The following ARL6IP6 variants were observed in gnomAD, a reference collection of about 807,000 sequenced individuals.
ARL6IP6 encodes ADP-ribosylation factor-like protein 6-interacting protein 6.
Under a neutral mutation model 21.5 loss-of-function variants are expected in ARL6IP6, and 22 were observed. The ratio of observed to expected loss-of-function variants is 1.02; its 90% CI spans 0.73 to 1.46. The LOEUF (loss-of-function observed/expected upper bound fraction) is 1.46. Among genes scored for constraint, ARL6IP6 ranks in the 40% most tolerant of loss-of-function variants. The probability of loss-of-function intolerance (pLI) is 0.00; values close to 1 mark genes in which losing one functional copy is unlikely to be tolerated. For missense variants in ARL6IP6, 388 were observed against 299.8 expected (o/e 1.29, Z -2.17); for synonymous variants, 164 against 125.3 (o/e 1.31, Z -2.06).
intron 2 of ARL6IP6, among the ~76,000 whole-genome samples, chr2:152,723,215 C>G (rs887157271): frequency 2.6e-5 from 4 of 152,146 alleles, no homozygotes; most frequent in African/African-American, 9.7e-5. Flanking sequence ...ATTAATAAGA[C>G]AGTTTTCACA....
chr2:152,720,395 A>G (rs1041824125), intron 1 of ARL6IP6, 138 bp from the exon 2 acceptor site: 2 of 781,048 alleles, frequency 2.6e-6, no homozygotes, highest in Admixed American at 2.3e-5. Flanking sequence ...CATAGCTGGT[A>G]AATTGAATCA....
chr2:152,730,681 A>C (rs1194712154), intron 2 of ARL6IP6, among the ~76,000 whole-genome samples: 1 of 152,160 alleles, frequency 6.6e-6, no homozygotes, highest in African/African-American at 2.4e-5. Context: ...AATCCTCAAG[A>C]CATTTGCTAT....
rs1023493162 is a variant in ARL6IP6, at chr2:152,760,719, A to G, written c.*879A>G. On this transcript the variant is annotated 3_prime_UTR_variant, in exon 4 of 4. Transcript: ENST00000326446. Reference sequence around the variant, plus strand: ...ATCTTGGTGTATATATTGTTACTTTAACAGAACTTGCATTATTTTGTTTTT... The same window carrying G: ...ATCTTGGTGTATATATTGTTACTTTGACAGAACTTGCATTATTTTGTTTTT... The G allele has an allele frequency of 1.3e-5, 2 of 152,006 alleles. No homozygotes were observed. The highest frequency in any genetic ancestry group is 4.8e-5 in the African/African-American group (2 of 41,414). The allele number at this position is 152,006 out of a possible 1,614,324, so 9.4% of individuals were successfully genotyped here. A position where few individuals can be genotyped will look rare whatever the true frequency, so the allele number is the denominator to read the frequency against.
chr2:152,757,126 G>A (rs376696912), intron 3 of ARL6IP6, among the ~76,000 whole-genome samples: 2 of 152,136 alleles, frequency 1.3e-5, no homozygotes, highest in Admixed American at 6.6e-5. Flanking sequence ...GAAGGCAGAC[G>A]CAGAAAAATA....
In ARL6IP6 at chr2:152,754,097, A is replaced by G. The variant is rs370474890; in HGVS notation, c.588-5650A>G. ...AGGATAAAACTTTACTCTTAAAATGATTAAGTATTTAATATTTTCACTAAA... is the reference window on the plus strand; with the variant it reads ...AGGATAAAACTTTACTCTTAAAATGGTTAAGTATTTAATATTTTCACTAAA... On this transcript the variant is annotated intron_variant, in intron 3 of 3. Coordinates refer to ENST00000326446, the MANE Select transcript of ARL6IP6 (RefSeq NM_152522.7). Among the ~76,000 whole-genome samples, 7 of 151,500 alleles carry G rather than the reference A, an allele frequency of 4.6e-5. No individual in the cohort carries two copies. The East Asian group carries it at 1.2e-3, about 25-fold the overall frequency.
At chr2:152,727,566 G>A (rs971418142) in intron 2 of ARL6IP6, among the ~76,000 whole-genome samples, 32 of 152,082 alleles carry the variant, frequency 2.1e-4, no homozygotes, top group Non-Finnish European at 4.4e-5. Flanking sequence ...TGTCCTGTAA[G>A]CTCCATTCAT....
At position 152,718,876 on chromosome 2, in the gene ARL6IP6, C is replaced by T. The variant is rs1423198094; in HGVS notation, c.252C>T (p.Pro84=). ...ACGGGAACGGGTCGCCCGTTCTGCC[C>T]GATAAGCGCAATGGTATCTTTCCCG... The part of the protein sequence containing the change: ...PPDGNGSPVL[P]DKRNGIFPAA... The change falls in exon 1 of 4, where the codon CCC becomes CCT. Residue 84 remains proline, a synonymous_variant. Coordinates refer to ENST00000326446, the MANE Select transcript of ARL6IP6 (RefSeq NM_152522.7). 2 of 1,613,752 alleles carry T rather than the reference C, an allele frequency of 1.2e-6. No homozygotes were observed. The highest frequency in any genetic ancestry group is 1.1e-5 in the South Asian group (1 of 90,992).
At chr2:152,730,262 A>C (rs1700246547) in intron 2 of ARL6IP6, among the ~76,000 whole-genome samples, 1 of 152,222 alleles carries the variant, frequency 6.6e-6, no homozygotes. Flanking sequence ...TCAAGTGAAA[A>C]AGTTCAACAG....
chr2:152,717,679 C>G, upstream of ARL6IP6: 1 of 1,412,630 alleles, frequency 7.1e-7, no homozygotes, highest in Admixed American at 2.9e-5. Context: ...GCCGAGTCCT[C>G]CGTCGGGAAA....
At chr2:152,717,831 C>T (rs1380115767), upstream of ARL6IP6, 128 of 1,119,176 alleles carry the variant, frequency 1.1e-4, no homozygotes, top group Non-Finnish European at 1.4e-4. Flanking sequence ...CCCCACAAAC[C>T]TGAGGCCGCC....
chr2:152,742,766 A>G (rs963015368), intron 3 of ARL6IP6, among the ~76,000 whole-genome samples: 2 of 152,052 alleles, frequency 1.3e-5, no homozygotes, highest in Admixed American at 6.6e-5. Context: ...AGAGAGTCCT[A>G]TTAAACATTA....
At chr2:152,718,128 G>C (rs3811566), upstream of ARL6IP6, 778,709 of 941,346 alleles carry the variant, frequency 0.83, 322,544 homozygotes, top group Admixed American at 0.86. Context: ...AGGTAGAGAG[G>C]TGCCCTTAAT....
At chr2:152,736,235 A>G (rs1700546195) in intron 3 of ARL6IP6, among the ~76,000 whole-genome samples, 1 of 152,216 alleles carries the variant, frequency 6.6e-6, no homozygotes, top group Non-Finnish European at 1.5e-5. Context: ...CCACTCAATT[A>G]GAAGTTTACT....
chr2:152,728,130 G>T lies in ARL6IP6; in HGVS notation c.455-6864G>T, dbSNP rs982735029. ...TGCAGCCTTGTTAAAGTGCCTTTTGGAGTATATTCTGTATTAGTATACATA... is the reference window on the plus strand; with the variant it reads ...TGCAGCCTTGTTAAAGTGCCTTTTGTAGTATATTCTGTATTAGTATACATA... On this transcript the variant is annotated intron_variant, in intron 2 of 3. Coordinates refer to ENST00000326446, the MANE Select transcript of ARL6IP6 (RefSeq NM_152522.7). Among the ~76,000 whole-genome samples, 18 of 152,062 alleles carry T rather than the reference G, an allele frequency of 1.2e-4. 1 individual carries two copies. In the South Asian group the frequency reaches 1.9e-3, roughly 16 times the overall value.
Position 152,759,911 on chromosome 2 carries a change from C to T in ARL6IP6, c.*71C>T, listed in dbSNP as rs1018087047. 2 of 1,308,442 alleles carry T rather than the reference C, an allele frequency of 1.5e-6. No homozygotes were observed. Among genetic ancestry groups the T allele is most frequent in the Non-Finnish European group, 2.2e-6 (2 of 906,252 alleles). 81.1% of individuals were successfully genotyped at this position (1,308,442 alleles called of 1,614,324 possible). ...TTTGTAATAACAAGAAGGAGCATCA[C>T]TGTCTACTCAGAAGACTGAGAAACC... On this transcript the variant is annotated 3_prime_UTR_variant, in exon 4 of 4. Coordinates refer to ENST00000326446, the MANE Select transcript of ARL6IP6 (RefSeq NM_152522.7).
At chr2:152,742,246 C>T (rs1369761547) in intron 3 of ARL6IP6, among the ~76,000 whole-genome samples, 1 of 152,110 alleles carries the variant, frequency 6.6e-6, no homozygotes, top group African/African-American at 2.4e-5. Flanking sequence ...TGGAAAAATA[C>T]TGCATGCAAA....
intron 3 of ARL6IP6, among the ~76,000 whole-genome samples, chr2:152,752,841 A>C (rs1319959508): frequency 6.6e-6 from 1 of 152,150 alleles, no homozygotes; most frequent in African/African-American, 2.4e-5. Context: ...GTTTAGCTTT[A>C]AGAAGTGTGC....
upstream of ARL6IP6, chr2:152,718,396 C>G: frequency 4.0e-6 from 2 of 505,282 alleles, no homozygotes; most frequent in East Asian, 7.2e-5. Context: ...TTTCCTGCTC[C>G]CCTTTCCGGC....
Position 152,758,294 on chromosome 2 carries a change from A to G in ARL6IP6, c.588-1453A>G, listed in dbSNP as rs370331935. Among the ~76,000 whole-genome samples, 30 of 152,128 alleles carry G rather than the reference A, an allele frequency of 2.0e-4. No individual in the cohort carries two copies. The South Asian group carries it at 2.3e-3, about 12-fold the overall frequency. On this transcript the variant is annotated intron_variant, in intron 3 of 3. Coordinates refer to ENST00000326446, the MANE Select transcript of ARL6IP6 (RefSeq NM_152522.7). ...AAAAGTGTATACATGTTCTGTACGG[A>G]TGCATTTTTTTTTTCAAAATATATT...
Sources: gnomAD v4.1 joint callset for allele counts (sites outside exome capture counted in the v4.1 genomes callset) on GRCh38, gnomAD v4.1.1 for gene constraint, MANE v1.5 for transcripts, NCBI Gene and HGNC (gene_info 2026-07-23, HGNC 2026-07-21) for gene names.